Variants in DENND2A observed in about 807,000 individuals in gnomAD.
DENND2A encodes the protein DENN domain-containing protein 2A.
In DENND2A, 53 loss-of-function variants were observed where a neutral mutation model predicts 105.3. The observed-to-expected ratio is 0.50, with a 90% CI of 0.40 to 0.63. DENND2A has a LOEUF of 0.63. Among genes scored for constraint, DENND2A ranks in the 30% least tolerant of loss-of-function variants. DENND2A has a pLI of 0.00. For synonymous variants in DENND2A, 522 were observed against 508.4 expected (o/e 1.03, Z -0.36); for missense variants, 1,138 against 1,279.6 (o/e 0.89, Z 1.69).
At chr7:140,553,404 CG>C (rs1563135763) in intron 12 of DENND2A, among the ~76,000 whole-genome samples, 1 of 152,244 alleles carries the variant, frequency 6.6e-6, no homozygotes, top group Non-Finnish European at 1.5e-5. Flanking sequence ...AACGTACAAT[CG>C]GGTTTTATAC....
Position 140,635,602 on chromosome 7 carries a change from G to A in DENND2A, c.-248+4902C>T, listed in dbSNP as rs551242644. Among the ~76,000 whole-genome samples, 15 of 152,268 alleles carry A rather than the reference G, an allele frequency of 9.9e-5. No homozygotes were observed. The East Asian group carries it at 2.9e-3, about 29-fold the overall frequency. On this transcript the variant is annotated intron_variant, in intron 1 of 19. Coordinates refer to ENST00000496613, the MANE Select transcript of DENND2A (RefSeq NM_015689.5). ...TGACCTCCTGGTTCCCTACCACTGA[G>A]GGAAGCTAACCTCTTCCCTAAGCTT...
Position 140,602,241 on chromosome 7 carries a change from A to G in DENND2A, c.157T>C (p.Trp53Arg), listed in dbSNP as rs1472187557. 1.9e-6 allele frequency: 3 copies of G among 1,613,504 alleles called. No homozygotes were observed. The highest frequency in any genetic ancestry group is 4.5e-5 in the East Asian group (2 of 44,858). Reference protein sequence around the residue: ...SLNIKDKISEWEGKKEVPTPA... With the variant: ...SLNIKDKISEREGKKEVPTPA... ...GTGGGCACCTCTTTCTTCCCTTCCC[A>G]TTCTGATATCTTGTCCTTTATGTTG... is the stretch of plus-strand genomic sequence containing the variant. Residue 53 changes from tryptophan (W) to arginine (R), a missense_variant, in exon 3 of 20, where the codon TGG becomes CGG. Around this residue, in one of 2 missense-constraint regions of DENND2A, gnomAD observed 511 missense variants for 499.9 expected, o/e 1.02. Coordinates refer to ENST00000496613, the MANE Select transcript of DENND2A (RefSeq NM_015689.5).
intron 14 of DENND2A, among the ~76,000 whole-genome samples, chr7:140,540,813 G>T (rs1478305452): frequency 6.6e-6 from 1 of 152,060 alleles, no homozygotes; most frequent in Non-Finnish European, 1.5e-5. Context: ...TGCCTCCCAG[G>T]TTCAAATGAT....
At chr7:140,629,203 G>A (rs1485986953) in intron 1 of DENND2A, among the ~76,000 whole-genome samples, 1 of 152,192 alleles carries the variant, frequency 6.6e-6, no homozygotes, top group Non-Finnish European at 1.5e-5. Flanking sequence ...AACCGCAGAG[G>A]TGTGCAGGAG....
chr7:140,614,518 A>G (rs1451493915), intron 1 of DENND2A, among the ~76,000 whole-genome samples: 2 of 152,216 alleles, frequency 1.3e-5, no homozygotes, highest in African/African-American at 4.8e-5. Context: ...GGTTTACAGG[A>G]TTGTAAATGA....
At chr7:140,551,299 CAAAAAA>C (rs529992901) in intron 12 of DENND2A, among the ~76,000 whole-genome samples, 2 of 71,742 alleles carry the variant, frequency 2.8e-5, no homozygotes, top group Non-Finnish European at 5.4e-5. Flanking sequence ...GACTCCATCT[CAAAAAA>C]AAAAAAAAAA....
chr7:140,638,214 A>G (rs1020454782), intron 1 of DENND2A, among the ~76,000 whole-genome samples: 1 of 152,168 alleles, frequency 6.6e-6, no homozygotes, highest in Non-Finnish European at 1.5e-5. Flanking sequence ...AAACTATGCA[A>G]CCCAGTGTAT....
chr7:140,608,675 TAAAA>T (rs11358052), intron 1 of DENND2A, among the ~76,000 whole-genome samples: 1 of 137,562 alleles, frequency 7.3e-6, no homozygotes, highest in African/African-American at 2.6e-5. Flanking sequence ...GACTCTGTCT[TAAAA>T]AAAAAAAAAA....
intron 14 of DENND2A, among the ~76,000 whole-genome samples, chr7:140,533,484 C>T (rs1796343684): frequency 6.6e-6 from 1 of 151,794 alleles, no homozygotes; most frequent in Admixed American, 6.6e-5. Context: ...CCTGGTTCAG[C>T]TGCAGTGAGT....
intron 9 of DENND2A, among the ~76,000 whole-genome samples, chr7:140,566,704 T>TTTTTTG (rs1797850197): frequency 6.7e-6 from 1 of 149,780 alleles, no homozygotes; most frequent in Non-Finnish European, 1.5e-5. Context: ...TTTTTTTTTT[T>TTTTTTG]GAGACGGAGT....
rs1251764777 is a variant in DENND2A, at chr7:140,558,213, C to T, written c.1890-1G>A. 1 of 1,612,552 alleles carries T rather than the reference C, an allele frequency of 6.2e-7. No homozygotes were observed. The highest frequency in any genetic ancestry group is 1.7e-5 in the Admixed American group (1 of 59,982). On this transcript the variant is annotated splice_acceptor_variant, in intron 10 of 19. Transcript: ENST00000496613. LOFTEE classifies it high-confidence loss of function. ...AGTTAAGACAAATGAGAATGTTTCA[C>T]TGTGGTTGGGAAAACACAAATGTAT...
chr7:140,603,026 T>G (rs1799573092), intron 2 of DENND2A, among the ~76,000 whole-genome samples: 1 of 152,126 alleles, frequency 6.6e-6, no homozygotes, highest in Admixed American at 6.5e-5. Flanking sequence ...GGCTCACACC[T>G]GTAATCCCAG....
chr7:140,554,200 T>TG (rs757210477), intron 12 of DENND2A, among the ~76,000 whole-genome samples: 18 of 151,320 alleles, frequency 1.2e-4, no homozygotes, highest in Non-Finnish European at 2.4e-4. Flanking sequence ...CACTCCAGCC[T>TG]GGCGACAGAA....
chr7:140,565,673 G>A lies in DENND2A; in HGVS notation c.1779+1413C>T, dbSNP rs190554921. Among the ~76,000 whole-genome samples, 161 of 152,304 alleles carry A rather than the reference G, an allele frequency of 1.1e-3. 3 individuals are homozygous for A. Among genetic ancestry groups the A allele is most frequent in the African/African-American group, 3.4e-3 (143 of 41,540 alleles). ...TCCATGACATAAAAGTGTCCCAGGTGTGTGAACCACAGCGAGTCCATCCTG... is the reference window on the plus strand; with the variant it reads ...TCCATGACATAAAAGTGTCCCAGGTATGTGAACCACAGCGAGTCCATCCTG... On this transcript the variant is annotated intron_variant, in intron 9 of 19. Coordinates refer to ENST00000496613, the MANE Select transcript of DENND2A (RefSeq NM_015689.5).
At chr7:140,554,794 G>A (rs770127898) in intron 12 of DENND2A, among the ~76,000 whole-genome samples, 6 of 152,030 alleles carry the variant, frequency 3.9e-5, no homozygotes, top group African/African-American at 7.3e-5. Flanking sequence ...AATTCAATAC[G>A]GCAATTCCTA....
intron 3 of DENND2A, among the ~76,000 whole-genome samples, chr7:140,590,891 A>T (rs938291510): frequency 6.6e-6 from 1 of 152,046 alleles, no homozygotes; most frequent in African/African-American, 2.4e-5. Flanking sequence ...AATAATAATA[A>T]TAAAAAAAAG....
chr7:140,602,668 T>TAA, intron 2 of DENND2A, 126 bp from the exon 3 acceptor site: 13 of 257,998 alleles, frequency 5.0e-5, no homozygotes, highest in Admixed American at 1.0e-4. Flanking sequence ...AAATTCCTAT[T>TAA]AAAAAAAAAA....
chr7:140,571,091 CTT>C (rs1466492350), intron 6 of DENND2A, among the ~76,000 whole-genome samples: 2 of 152,146 alleles, frequency 1.3e-5, no homozygotes, highest in Non-Finnish European at 2.9e-5. Context: ...TTATATAACA[CTT>C]TTATCTGTAT....
chr7:140,549,848 A>C (rs1421352141), intron 12 of DENND2A, among the ~76,000 whole-genome samples: 6 of 152,218 alleles, frequency 3.9e-5, no homozygotes, highest in African/African-American at 1.4e-4. Flanking sequence ...AACAACCCAA[A>C]TGTCCATCAA....
Sources: gnomAD v4.1 joint callset for allele counts (sites outside exome capture counted in the v4.1 genomes callset) on GRCh38, gnomAD v4.1.1 for gene constraint, gnomAD v4.1.1 regional missense constraint, MANE v1.5 for transcripts, NCBI Gene and HGNC (gene_info 2026-07-23, HGNC 2026-07-21) for gene names.